AMPH: variants seen among roughly 807,000 people sequenced by gnomAD.
AMPH encodes amphiphysin, also known as amphiphysin (Stiff-Mann syndrome with breast cancer 128kD autoantigen).
Under a neutral mutation model 99.1 loss-of-function variants are expected in AMPH, and 49 were observed. The ratio of observed to expected loss-of-function variants is 0.49; its 90% CI spans 0.39 to 0.63. The LOEUF (loss-of-function observed/expected upper bound fraction) is 0.63, where lower values mean the gene tolerates loss of function less well. AMPH is among the 20% of genes least tolerant of loss of function. The probability of loss-of-function intolerance (pLI) is 0.00; values close to 1 mark genes in which losing one functional copy is unlikely to be tolerated. For missense variants in AMPH, 759 were observed against 863.4 expected, an observed-to-expected ratio of 0.88 and a Z score of 1.52; for synonymous variants, 314 against 317.3, an observed-to-expected ratio of 0.99 and a Z score of 0.11.
intron 20 of AMPH, among the ~76,000 whole-genome samples, chr7:38,387,074 C>T (rs537142849): frequency 6.6e-6 from 1 of 152,256 alleles, no homozygotes; most frequent in East Asian, 1.9e-4. Flanking sequence ...AGGGTACAGA[C>T]CCACCCTAAC....
intron 1 of AMPH, among the ~76,000 whole-genome samples, chr7:38,553,090 C>T (rs528537795): frequency 6.6e-6 from 1 of 152,208 alleles, no homozygotes; most frequent in Non-Finnish European, 1.5e-5. Context: ...CTATTTCTGG[C>T]AGTCCCTAGG....
At chr7:38,402,362 AT>A (rs1314543444) in intron 17 of AMPH, among the ~76,000 whole-genome samples, 9 of 152,190 alleles carry the variant, frequency 5.9e-5, no homozygotes, top group African/African-American at 2.2e-4. Flanking sequence ...GCATGCAATA[AT>A]TATTTTTTCT....
At chr7:38,432,061 T>C (rs1474480579) in intron 13 of AMPH, 128 bp downstream of exon 13, 1 of 869,330 alleles carries the variant, frequency 1.2e-6, no homozygotes, top group Non-Finnish European at 2.0e-6. Flanking sequence ...CTAATGATCA[T>C]TCTAGGGGAC....
rs1419555499 is a variant in AMPH at position 38,534,938 on chromosome 7, C to T, written c.143G>A (p.Arg48Gln). The T allele has an allele frequency of 6.2e-6, 10 of 1,613,580 alleles. No homozygotes were observed. The highest frequency in any genetic ancestry group is 5.5e-5 in the South Asian group (5 of 91,036). Residue 48 changes from arginine to glutamine, a missense_variant, in exon 2 of 21, where the codon CGG becomes CAG. Transcript: ENST00000356264. ...QFEEYVQNFK[R>Q]QEAEGTRLQR... Reference sequence around the variant, plus strand: ...CTAAACAAATGGACTCACTTCTTGCCGTTTGAAGTTCTGGACATATTCTTC... The same window carrying T: ...CTAAACAAATGGACTCACTTCTTGCTGTTTGAAGTTCTGGACATATTCTTC...
intron 1 of AMPH, among the ~76,000 whole-genome samples, chr7:38,585,532 C>T (rs1792613855): frequency 6.6e-6 from 1 of 152,164 alleles, no homozygotes; most frequent in African/African-American, 2.4e-5. Context: ...ACAAGCCTGG[C>T]TTAAGAAAAA....
At chr7:38,478,768 A>T (rs548615445) in intron 5 of AMPH, among the ~76,000 whole-genome samples, 1 of 152,306 alleles carries the variant, frequency 6.6e-6, no homozygotes, top group South Asian at 2.1e-4. Context: ...AGAAACGTTA[A>T]TGGTCAAATA....
At chr7:38,566,904 G>A (rs576101079) in intron 1 of AMPH, among the ~76,000 whole-genome samples, 3 of 152,302 alleles carry the variant, frequency 2.0e-5, no homozygotes, top group African/African-American at 7.2e-5. Flanking sequence ...TGCTGGAGAG[G>A]ATGTGGAGAA....
At chr7:38,561,921 T>C (rs1216128570) in intron 1 of AMPH, among the ~76,000 whole-genome samples, 1 of 138,212 alleles carries the variant, frequency 7.2e-6, no homozygotes, top group South Asian at 2.2e-4. Context: ...CTTGGACTTG[T>C]AAGAAAAAAA....
At chr7:38,562,389 G>A (rs769507543) in intron 1 of AMPH, among the ~76,000 whole-genome samples, 3 of 152,144 alleles carry the variant, frequency 2.0e-5, no homozygotes, top group Non-Finnish European at 4.4e-5. Flanking sequence ...TTTAAAGCAC[G>A]TCTTAAATTG....
intron 17 of AMPH, among the ~76,000 whole-genome samples, chr7:38,401,388 T>C (rs760214332): frequency 6.6e-6 from 1 of 152,216 alleles, no homozygotes; most frequent in Non-Finnish European, 1.5e-5. Context: ...AATAGACATG[T>C]CACCACATTT....
chr7:38,542,068 G>A (rs560243125), intron 1 of AMPH, among the ~76,000 whole-genome samples: 1 of 152,170 alleles, frequency 6.6e-6, no homozygotes, highest in Non-Finnish European at 1.5e-5. Flanking sequence ...AATATTGGTG[G>A]GGAAAAATAG....
In AMPH at chr7:38,392,377, C is replaced by CTTTTTTTTT. The variant is rs574057389; in HGVS notation, c.1609-369_1609-361dup. On this transcript the variant is annotated intron_variant, in intron 18 of 20. Transcript: ENST00000356264. ...GGAGTCAATGCAGGCCGGCCTGGTT[C>CTTTTTTTTT]TTTTTTTTTTTTTTTTTTTTTTTTT... Among the ~76,000 whole-genome samples the CTTTTTTTTT allele has an allele frequency of 8.1e-3, 341 of 42,046 alleles. 43 individuals are homozygous for CTTTTTTTTT. The highest frequency in any genetic ancestry group is 0.016 in the East Asian group (17 of 1,064). 27.6% of individuals were successfully genotyped at this position (42,046 alleles called of 152,430 possible).
intron 17 of AMPH, among the ~76,000 whole-genome samples, chr7:38,399,646 G>A (rs1419769995): frequency 6.6e-6 from 1 of 152,152 alleles, no homozygotes; most frequent in Non-Finnish European, 1.5e-5. Context: ...TACAGTACAT[G>A]TTATACCTGC....
At chr7:38,439,324 T>C (rs997886393) in intron 11 of AMPH, among the ~76,000 whole-genome samples, 1 of 152,238 alleles carries the variant, frequency 6.6e-6, no homozygotes, top group Non-Finnish European at 1.5e-5. Flanking sequence ...ATATCCATAA[T>C]GCCAATTGGA....
At chr7:38,537,648 C>A (rs933531525) in intron 1 of AMPH, among the ~76,000 whole-genome samples, 1 of 152,184 alleles carries the variant, frequency 6.6e-6, no homozygotes, top group African/African-American at 2.4e-5. Flanking sequence ...GGTTTCCACC[C>A]TTAAGTAGAA....
intron 11 of AMPH, among the ~76,000 whole-genome samples, chr7:38,454,959 A>G (rs1165247956): frequency 6.6e-6 from 1 of 151,776 alleles, no homozygotes; most frequent in Non-Finnish European, 1.5e-5. Flanking sequence ...ATGATAGTAC[A>G]GTCTCAATTT....
At chr7:38,478,032 GC>G in intron 5 of AMPH, among the ~76,000 whole-genome samples, 1 of 151,510 alleles carries the variant, frequency 6.6e-6, no homozygotes, top group East Asian at 2.0e-4. Context: ...GGCTGACTTT[GC>G]CTAAAACAAG....
chr7:38,422,358 C>A, intron 16 of AMPH, 63 bp downstream of exon 16: 1 of 1,360,896 alleles, frequency 7.3e-7, no homozygotes, highest in South Asian at 1.2e-5. Flanking sequence ...CTAGAATGAT[C>A]AGCTTTAGAA....
chr7:38,418,429 A>C (rs1785466188), intron 16 of AMPH, among the ~76,000 whole-genome samples: 2 of 152,154 alleles, frequency 1.3e-5, no homozygotes, highest in African/African-American at 4.8e-5. Flanking sequence ...ATCGCAGGGC[A>C]CACAGTTCCA....
Sources: allele counts gnomAD v4.1 joint callset (sites outside exome capture counted in the v4.1 genomes callset), GRCh38; gene constraint gnomAD v4.1.1; transcripts MANE v1.5; gene names NCBI Gene and HGNC (gene_info 2026-07-23, HGNC 2026-07-21).